Variants in OPCML observed in about 807,000 individuals in gnomAD.
OPCML encodes opioid-binding protein/cell adhesion molecule.
In OPCML, 13 loss-of-function variants were observed where a neutral mutation model predicts 37.8. That is an observed-to-expected ratio of 0.34 (90% CI 0.22 to 0.55). OPCML has a LOEUF of 0.55. OPCML is among the 20% of genes least tolerant of loss of function. The probability of loss-of-function intolerance (pLI) is 0.91; values close to 1 mark genes in which losing one functional copy is unlikely to be tolerated. For synonymous variants in OPCML, 176 were observed against 168.8 expected, an observed-to-expected ratio of 1.04 and a Z score of -0.33; for missense variants, 341 against 435.6, an observed-to-expected ratio of 0.78 and a Z score of 1.93.
intron 4 of OPCML, among the ~76,000 whole-genome samples, chr11:132,449,344 T>C (rs1234079125): frequency 3.9e-5 from 6 of 152,016 alleles, no homozygotes; most frequent in Non-Finnish European, 7.4e-5. Context: ...GTAGCTGTTC[T>C]TTCCTCCCTC....
Position 133,418,406 on chromosome 11 carries a change from T to C in OPCML, c.61+113858A>G, listed in dbSNP as rs1457099980. The C allele has an allele frequency of 5.1e-6, 5 of 985,232 alleles. No homozygotes were observed. In the East Asian group the frequency reaches 4.5e-4, roughly 89 times the overall value. 61.0% of individuals were successfully genotyped at this position (985,232 alleles called of 1,614,324 possible). ...GCCACCTAAATAGATTGGTGATTGA[T>C]TGGTGGTTTTTAGAACTGAGGAAGA... On this transcript the variant is annotated intron_variant, in intron 1 of 7. Transcript: ENST00000524381.
chr11:132,932,938 CCA>C (rs1486128262), intron 2 of OPCML, among the ~76,000 whole-genome samples: 3 of 151,796 alleles, frequency 2.0e-5, no homozygotes, highest in Non-Finnish European at 2.9e-5. Context: ...CCATTAAGTA[CCA>C]GAGTTGGGAT....
chr11:132,775,245 C>T (rs1946772466), intron 2 of OPCML, among the ~76,000 whole-genome samples: 1 of 152,190 alleles, frequency 6.6e-6, no homozygotes, highest in Admixed American at 6.5e-5. Context: ...TGATTTAAAG[C>T]TATCAGAGCT....
intron 2 of OPCML, among the ~76,000 whole-genome samples, chr11:132,810,010 C>G (rs1001505028): frequency 6.6e-6 from 1 of 151,990 alleles, no homozygotes. Context: ...CCACCACGCC[C>G]GGCTAATTTT....
At chr11:133,458,592 TAC>T (rs1946767065) in intron 1 of OPCML, among the ~76,000 whole-genome samples, 1 of 117,172 alleles carries the variant, frequency 8.5e-6, no homozygotes, top group African/African-American at 7.1e-5. Context: ...TACACATATA[TAC>T]ACGTGTGTGT....
chr11:132,845,926 G>T (rs73041452), intron 2 of OPCML, among the ~76,000 whole-genome samples: 23 of 152,162 alleles, frequency 1.5e-4, no homozygotes, highest in African/African-American at 5.3e-4. Context: ...ACGAGGGTGG[G>T]CTGGATGGAG....
At chr11:133,153,738 G>A (rs528274549) in intron 1 of OPCML, among the ~76,000 whole-genome samples, 27 of 151,580 alleles carry the variant, frequency 1.8e-4, no homozygotes, top group Middle Eastern at 3.4e-3. Flanking sequence ...GTTTAAAACC[G>A]GAGAAATAAG....
chr11:133,249,474 T>G (rs1448214710), intron 1 of OPCML, among the ~76,000 whole-genome samples: 1 of 152,150 alleles, frequency 6.6e-6, no homozygotes, highest in Admixed American at 6.5e-5. Flanking sequence ...GGATCAAATT[T>G]CAACTTGAGG....
chr11:133,052,328 C>T (rs939078100), intron 1 of OPCML, among the ~76,000 whole-genome samples: 8 of 152,174 alleles, frequency 5.3e-5, no homozygotes, highest in Non-Finnish European at 1.2e-4. Flanking sequence ...TTTGAGGTCA[C>T]TCCATTATTC....
At chr11:133,271,858 A>G (rs562772980) in intron 1 of OPCML, among the ~76,000 whole-genome samples, 23 of 152,352 alleles carry the variant, frequency 1.5e-4, no homozygotes, top group African/African-American at 5.0e-4. Flanking sequence ...ATGAGCACTT[A>G]GTATGCACTC....
intron 1 of OPCML, among the ~76,000 whole-genome samples, chr11:133,086,522 T>C (rs1948821160): frequency 6.6e-6 from 1 of 152,216 alleles, no homozygotes; most frequent in South Asian, 2.1e-4. Context: ...AGATGAAAAT[T>C]CTGCTTAAAT....
intron 1 of OPCML, among the ~76,000 whole-genome samples, chr11:133,334,450 C>T (rs1943697519): frequency 1.3e-5 from 2 of 152,088 alleles, no homozygotes; most frequent in South Asian, 4.2e-4. Flanking sequence ...ATGATGAGAA[C>T]TCATGAACAA....
At chr11:133,488,457 A>G (rs1947580659) in intron 1 of OPCML, among the ~76,000 whole-genome samples, 1 of 152,158 alleles carries the variant, frequency 6.6e-6, no homozygotes, top group African/African-American at 2.4e-5. Context: ...TCTATACACC[A>G]ATGATGATCT....
rs372136686 is a variant in OPCML, at chr11:133,059,245, G to A, written c.62-116235C>T. ...AAAGCTCAAGGAAGACATCTAAAGG[G>A]TTTCTGGTCCCAGAGCCTTTGTACT... On this transcript the variant is annotated intron_variant, in intron 1 of 7. Coordinates refer to ENST00000524381, the MANE Select transcript of OPCML (RefSeq NM_001012393.5). Among the ~76,000 whole-genome samples, 14 of 152,272 alleles carry A rather than the reference G, an allele frequency of 9.2e-5. No individual in the cohort carries two copies. In the South Asian group the frequency reaches 1.5e-3, roughly 16 times the overall value.
At chr11:133,338,631 A>C (rs938601176) in intron 1 of OPCML, among the ~76,000 whole-genome samples, 1 of 152,226 alleles carries the variant, frequency 6.6e-6, no homozygotes, top group African/African-American at 2.4e-5. Flanking sequence ...TTAGGGCTGA[A>C]GTCTCTAGGG....
chr11:133,482,193 T>C (rs906869244), intron 1 of OPCML, among the ~76,000 whole-genome samples: 58 of 152,168 alleles, frequency 3.8e-4, no homozygotes, highest in African/African-American at 1.3e-3. Context: ...TATAGATCAA[T>C]GGTGGTGAGA....
intron 3 of OPCML, among the ~76,000 whole-genome samples, chr11:132,626,260 C>T (rs973848397): frequency 5.3e-5 from 8 of 151,750 alleles, no homozygotes; most frequent in Admixed American, 2.0e-4. Context: ...GAAAGATGAT[C>T]GGGAGTACCA....
chr11:132,639,055 G>T (rs1000827895), intron 3 of OPCML, among the ~76,000 whole-genome samples: 3 of 141,596 alleles, frequency 2.1e-5, no homozygotes, highest in African/African-American at 7.9e-5. Flanking sequence ...GCCACGTGAT[G>T]ATTATTTTCT....
chr11:132,703,107 T>C (rs1943895243), intron 2 of OPCML, among the ~76,000 whole-genome samples: 1 of 152,162 alleles, frequency 6.6e-6, no homozygotes, highest in Admixed American at 6.5e-5. Flanking sequence ...CAAAGATATG[T>C]CCTGAGAAGT....
Sources: gnomAD v4.1 joint callset for allele counts (sites outside exome capture counted in the v4.1 genomes callset) on GRCh38, gnomAD v4.1.1 for gene constraint, MANE v1.5 for transcripts, NCBI Gene and HGNC (gene_info 2026-07-23, HGNC 2026-07-21) for gene names.